Variants in PRP4K observed in about 807,000 individuals in gnomAD.
PRP4K encodes serine/threonine-protein kinase PRP4 homolog.
chr6:4,057,315 A>G, the PRP4K span: 4 of 905,880 alleles, frequency 4.4e-6, no homozygotes, highest in East Asian at 1.1e-4. Flanking sequence ...GGCTATCATG[A>G]TTTCTTAGGG....
the PRP4K span, chr6:4,063,033 TA>T: frequency 2.6e-5 from 4 of 152,630 alleles, no homozygotes; most frequent in Admixed American, 2.6e-4. Context: ...ACCTGTTCTT[TA>T]AAAAACAAAG....
chr6:4,061,285 A>C, the PRP4K span: 1 of 152,932 alleles, frequency 6.5e-6, no homozygotes, highest in Admixed American at 6.5e-5. Context: ...TGGCATTGCA[A>C]CTGTGGCATA....
At chr6:4,023,196 T>C in the PRP4K span, among the ~76,000 whole-genome samples, 1 of 152,226 alleles carries the variant, frequency 6.6e-6, no homozygotes, top group Admixed American at 6.5e-5. Context: ...GAATATAGTG[T>C]CTACAACAGT....
chr6:4,032,455 A>G, the PRP4K span: 5 of 1,614,060 alleles, frequency 3.1e-6, no homozygotes, highest in African/African-American at 4.0e-5. Context: ...AAAGAGAGAA[A>G]ATCAAAACGG....
the PRP4K span, chr6:4,021,434 C>T: frequency 1.3e-6 from 2 of 1,584,962 alleles, no homozygotes; most frequent in Non-Finnish European, 1.7e-6. Context: ...AGATGGCCGC[C>T]GCGGAGACCC....
the PRP4K span, chr6:4,037,558 C>G: frequency 6.2e-7 from 1 of 1,613,564 alleles, no homozygotes; most frequent in Non-Finnish European, 8.5e-7. Context: ...AGAAGCAGAT[C>G]TCCTCGGAGA....
the PRP4K span, among the ~76,000 whole-genome samples, chr6:4,027,603 G>C: frequency 3.5e-5 from 4 of 114,162 alleles, no homozygotes; most frequent in South Asian, 3.3e-4. Flanking sequence ...GGAGGGGTGG[G>C]GGGGTGGGGT....
the PRP4K span, chr6:4,032,137 T>C: frequency 6.2e-7 from 1 of 1,613,090 alleles, no homozygotes; most frequent in South Asian, 1.1e-5. Context: ...GGTATTGAAA[T>C]CGTTAAAGAG....
At chr6:4,059,950 T>A in the PRP4K span, among the ~76,000 whole-genome samples, 7 of 152,284 alleles carry the variant, frequency 4.6e-5, no homozygotes, top group Middle Eastern at 3.4e-3. Flanking sequence ...CAGCCCAGAG[T>A]TGGCATCAAC....
At chr6:4,041,513 C>T in the PRP4K span, among the ~76,000 whole-genome samples, 1 of 152,132 alleles carries the variant, frequency 6.6e-6, no homozygotes, top group Non-Finnish European at 1.5e-5. Context: ...GATCACACCA[C>T]TGCACTCCAG....
chr6:4,063,334 C>T, the PRP4K span: 1 of 152,236 alleles, frequency 6.6e-6, no homozygotes, highest in East Asian at 1.9e-4. Flanking sequence ...TAGTGGTCAA[C>T]TTTAGTAATA....
At chr6:4,029,115 G>A in the PRP4K span, among the ~76,000 whole-genome samples, 11,843 of 149,688 alleles carry the variant, frequency 0.079, 541 homozygotes, top group Middle Eastern at 0.22. Context: ...AAACTCCTGG[G>A]CTCAAGTGAT....
chr6:4,038,927 T>TTC, the PRP4K span, among the ~76,000 whole-genome samples: 1 of 151,074 alleles, frequency 6.6e-6, no homozygotes, highest in Non-Finnish European at 1.5e-5. Flanking sequence ...TGCTTTTTTT[T>TTC]TTCTTTCTTT....
the PRP4K span, among the ~76,000 whole-genome samples, chr6:4,051,691 G>A: frequency 6.6e-6 from 1 of 152,092 alleles, no homozygotes; most frequent in South Asian, 2.1e-4. Flanking sequence ...AAAATAAGAT[G>A]GGTTTGTTCC....
chr6:4,058,076 G>C, the PRP4K span, among the ~76,000 whole-genome samples: 3 of 152,030 alleles, frequency 2.0e-5, no homozygotes, highest in African/African-American at 7.2e-5. Context: ...TACAGTTATA[G>C]CTCACTGCAG....
the PRP4K span, among the ~76,000 whole-genome samples, chr6:4,039,311 T>C: frequency 6.6e-6 from 1 of 152,176 alleles, no homozygotes; most frequent in African/African-American, 2.4e-5. Context: ...GTAGATGTAT[T>C]TTCTTGGGCT....
chr6:4,046,418 T>G, the PRP4K span, among the ~76,000 whole-genome samples: 2 of 152,170 alleles, frequency 1.3e-5, no homozygotes, highest in African/African-American at 4.8e-5. Context: ...TTAAAGCGAC[T>G]GGATTTTTTT....
chr6:4,023,352 T>C, the PRP4K span, among the ~76,000 whole-genome samples: 6 of 152,176 alleles, frequency 3.9e-5, 1 homozygote, highest in East Asian at 5.8e-4. Context: ...TACGTTTATT[T>C]TCCTTATTTT....
chr6:4,057,302 G>A, the PRP4K span: 6 of 1,050,648 alleles, frequency 5.7e-6, no homozygotes, highest in Non-Finnish European at 8.3e-6. Context: ...AAGGTGGGTA[G>A]ATGGCTATCA....
Sources: gnomAD v4.1 joint callset for allele counts (sites outside exome capture counted in the v4.1 genomes callset) on GRCh38, gnomAD v4.1.1 for gene constraint, MANE v1.5 for transcripts, NCBI Gene and HGNC (gene_info 2026-07-23, HGNC 2026-07-21) for gene names.